DAB1: variants seen among roughly 807,000 people sequenced by gnomAD.
The protein encoded by DAB1 is DAB adaptor protein 1, also known as disabled homolog 1.
In DAB1, 15 loss-of-function variants were observed where a neutral mutation model predicts 64.6. That is an observed-to-expected ratio of 0.23 (90% CI 0.16 to 0.36). The LOEUF (loss-of-function observed/expected upper bound fraction) is 0.36. DAB1 is among the 10% of genes least tolerant of loss of function. DAB1 has a pLI of 1.00. For missense variants in DAB1, 596 were observed against 706.7 expected (o/e 0.84, Z 1.78); for synonymous variants, 235 against 251.9 (o/e 0.93, Z 0.64).
intron 5 of DAB1, among the ~76,000 whole-genome samples, chr1:57,989,416 C>G (rs1418855946): frequency 6.6e-6 from 1 of 152,120 alleles, no homozygotes; most frequent in Non-Finnish European, 1.5e-5. Flanking sequence ...TTGATTCAAA[C>G]AAGTGGAGTG....
At chr1:58,333,427 TCCA>T (rs1230842473) in intron 4 of DAB1, among the ~76,000 whole-genome samples, 3 of 152,162 alleles carry the variant, frequency 2.0e-5, no homozygotes, top group Non-Finnish European at 4.4e-5. Context: ...ATTATAGGTG[TCCA>T]CTAAAATCTT....
chr1:57,655,578 C>A (rs1014082389), intron 6 of DAB1, among the ~76,000 whole-genome samples: 64 of 152,190 alleles, frequency 4.2e-4, no homozygotes, highest in Non-Finnish European at 7.2e-4. Flanking sequence ...TACATTCCTA[C>A]CCTTACGGAA....
intron 5 of DAB1, among the ~76,000 whole-genome samples, chr1:58,093,786 GA>G (rs1382659626): frequency 6.6e-6 from 1 of 152,024 alleles, no homozygotes; most frequent in Non-Finnish European, 1.5e-5. Context: ...AAACAGTTTT[GA>G]AATACTACTT....
chr1:57,582,891 C>T (rs576050240), intron 7 of DAB1, among the ~76,000 whole-genome samples: 286 of 152,330 alleles, frequency 1.9e-3, no homozygotes, highest in African/African-American at 6.1e-3. Context: ...TTAAGCAGTG[C>T]GCCTATGACC....
intron 2 of DAB1, among the ~76,000 whole-genome samples, chr1:57,236,607 A>C (rs2100455043): frequency 6.6e-6 from 1 of 152,342 alleles, no homozygotes; most frequent in East Asian, 1.9e-4. Flanking sequence ...CAGGAGAAAC[A>C]AATCAACAAT....
At chr1:57,898,795 G>C (rs1048620556) in intron 5 of DAB1, among the ~76,000 whole-genome samples, 20 of 152,278 alleles carry the variant, frequency 1.3e-4, no homozygotes, top group African/African-American at 4.3e-4. Flanking sequence ...AAAGTGCTAG[G>C]ACATATAACC....
intron 4 of DAB1, among the ~76,000 whole-genome samples, chr1:58,281,117 G>A (rs1039605179): frequency 2.0e-5 from 3 of 152,168 alleles, no homozygotes; most frequent in African/African-American, 7.2e-5. Context: ...TATCAAGCAC[G>A]AAGGACAGTA....
chr1:58,052,492 T>C (rs1358852419), intron 5 of DAB1, among the ~76,000 whole-genome samples: 1 of 152,202 alleles, frequency 6.6e-6, no homozygotes, highest in Non-Finnish European at 1.5e-5. Flanking sequence ...GCCTCTAGCT[T>C]TGTTCTTTTG....
intron 6 of DAB1, among the ~76,000 whole-genome samples, chr1:57,720,282 T>C (rs1174231794): frequency 6.6e-6 from 1 of 152,196 alleles, no homozygotes; most frequent in Non-Finnish European, 1.5e-5. Context: ...AAAGCAATCC[T>C]ATGGCATGGG....
chr1:57,491,802 C>T (rs1644169186), intron 7 of DAB1, among the ~76,000 whole-genome samples: 2 of 152,082 alleles, frequency 1.3e-5, no homozygotes, highest in South Asian at 4.1e-4. Flanking sequence ...TCCTGGCTTC[C>T]ACGAAAGAGA....
chr1:58,294,251 G>T (rs1455761480), intron 4 of DAB1, among the ~76,000 whole-genome samples: 1 of 152,004 alleles, frequency 6.6e-6, no homozygotes, highest in Non-Finnish European at 1.5e-5. Flanking sequence ...TCTCCCAAAT[G>T]CCTGAGGGAA....
rs71051260 is a variant in DAB1, at chr1:57,846,455, CAAAAAAA to C, written n.88-20007_88-20001del. Among the ~76,000 whole-genome samples the C allele has an allele frequency of 1.3e-4, 15 of 113,680 alleles. No homozygotes were observed. In the South Asian group the frequency reaches 2.4e-3, roughly 18 times the overall value. The allele number at this position is 113,680 out of a possible 152,430, so 74.6% of individuals were successfully genotyped here. A position where few individuals can be genotyped will look rare whatever the true frequency, so the allele number is the denominator to read the frequency against. On this transcript the variant is annotated intron_variant and non_coding_transcript_variant, in intron 1 of 1. Coordinates refer to the DAB1 transcript ENST00000477280. ...CCTGGGCGACAGAGCAAGACTCCAT[CAAAAAAA>C]AAAAAAAAAAAAAATCAATGCTTCC...
rs55950458 is a variant in DAB1, at chr1:57,387,821, C to CAA, written c.-137+36107_-137+36108dup. ...TGGGTGACAGAGCAAGACTCAGCCT[C>CAA]AAAAAAAAAAAAAAAAAAGAGAGAG... is the stretch of plus-strand genomic sequence containing the variant. On this transcript the variant is annotated intron_variant, in intron 1 of 14. Transcript: ENST00000371236. 2.5e-3 allele frequency among the ~76,000 whole-genome samples: 265 copies of CAA among 104,086 alleles called. 5 individuals are homozygous for CAA. The highest frequency in any genetic ancestry group is 7.1e-3 in the African/African-American group (201 of 28,212). The allele number at this position is 104,086 out of a possible 152,430, so 68.3% of individuals were successfully genotyped here. A position where few individuals can be genotyped will look rare whatever the true frequency, so the allele number is the denominator to read the frequency against.
chr1:57,689,901 C>T (rs892527260), intron 6 of DAB1, among the ~76,000 whole-genome samples: 2 of 152,118 alleles, frequency 1.3e-5, no homozygotes, highest in Non-Finnish European at 2.9e-5. Flanking sequence ...TCTCCCCTTT[C>T]CCCCACTACC....
At chr1:57,000,542 C>G (rs1645819513) in intron 14 of DAB1, among the ~76,000 whole-genome samples, 1 of 152,160 alleles carries the variant, frequency 6.6e-6, no homozygotes, top group South Asian at 2.1e-4. Context: ...TTATTAAACA[C>G]CAAATCTATT....
intron 4 of DAB1, among the ~76,000 whole-genome samples, chr1:58,289,471 T>C (rs1056031636): frequency 9.2e-5 from 14 of 152,172 alleles, no homozygotes; most frequent in African/African-American, 3.4e-4. Flanking sequence ...GTGATGTCAC[T>C]GAGAGTTCAA....
chr1:57,638,385 G>A (rs1053978981), intron 7 of DAB1, among the ~76,000 whole-genome samples: 1 of 152,088 alleles, frequency 6.6e-6, no homozygotes, highest in African/African-American at 2.4e-5. Flanking sequence ...AGTTCTGGGC[G>A]AGGAGTGTCA....
At chr1:58,022,936 T>A (rs1646835371) in intron 5 of DAB1, among the ~76,000 whole-genome samples, 1 of 152,126 alleles carries the variant, frequency 6.6e-6, no homozygotes, top group Non-Finnish European at 1.5e-5. Flanking sequence ...TTTGAATCCC[T>A]AAGAGCACTG....
At chr1:57,396,105 C>A (rs753185591) in intron 1 of DAB1, among the ~76,000 whole-genome samples, 1 of 152,192 alleles carries the variant, frequency 6.6e-6, no homozygotes, top group Non-Finnish European at 1.5e-5. Flanking sequence ...AGAGCAAAAG[C>A]GCTGAGAGGT....
Sources: allele counts gnomAD v4.1 joint callset (sites outside exome capture counted in the v4.1 genomes callset), GRCh38; gene constraint gnomAD v4.1.1; transcripts MANE v1.5; gene names NCBI Gene and HGNC (gene_info 2026-07-23, HGNC 2026-07-21).